The following MTX2 variants were observed in gnomAD, a reference collection of about 807,000 sequenced individuals.
MTX2 encodes the protein metaxin 2, also known as metaxin-2.
A neutral mutation model predicts 42.3 loss-of-function variants in MTX2; 35 were observed. The observed-to-expected ratio is 0.83, with a 90% CI of 0.63 to 1.10. MTX2 has a LOEUF of 1.10. MTX2 is among the 50% of genes least tolerant of loss of function. The pLI is 0.00. For synonymous variants in MTX2, 119 were observed against 100.9 expected (o/e 1.18, Z -1.08); for missense variants, 307 against 304.1 (o/e 1.01, Z -0.07).
intron 3 of MTX2, among the ~76,000 whole-genome samples, chr2:176,318,207 C>T (rs1417263529): frequency 6.6e-6 from 1 of 151,040 alleles, no homozygotes. Flanking sequence ...AAATTTAGTC[C>T]TTCATGTTTA....
At chr2:176,298,110 CAT>C (rs34301168) in intron 3 of MTX2, among the ~76,000 whole-genome samples, 14,634 of 151,246 alleles carry the variant, frequency 0.097, 724 homozygotes, top group Middle Eastern at 0.12. Flanking sequence ...ATAAAATAAA[CAT>C]AAATTTTTTT....
chr2:176,319,152 T>C (rs1167684264), intron 3 of MTX2, among the ~76,000 whole-genome samples: 1 of 152,234 alleles, frequency 6.6e-6, no homozygotes, highest in East Asian at 1.9e-4. Flanking sequence ...TTATTCATTA[T>C]TATAATTTGA....
At chr2:176,288,543 T>A (rs915721335) in intron 1 of MTX2, among the ~76,000 whole-genome samples, 1 of 151,594 alleles carries the variant, frequency 6.6e-6, no homozygotes, top group African/African-American at 2.4e-5. Flanking sequence ...TTGCTCCTTT[T>A]ATATAACACT....
rs1172759994 is a variant in MTX2, at chr2:176,271,675, GTTAGTATTAC to G, written c.40+2009_40+2018del. Among the ~76,000 whole-genome samples, 26 of 152,242 alleles carry G rather than the reference GTTAGTATTAC, an allele frequency of 1.7e-4. 1 individual carries two copies. The South Asian group carries it at 5.4e-3, about 32-fold the overall frequency. On this transcript the variant is annotated intron_variant, in intron 1 of 9. Transcript: ENST00000249442. ...TACTCTCAAACTATTGGGTCTGTAA[GTTAGTATTAC>G]TTTTTGGGAACGTAATGTAGCAATA...
chr2:176,319,168 AT>A (rs1051701166), intron 3 of MTX2, among the ~76,000 whole-genome samples: 1 of 152,160 alleles, frequency 6.6e-6, no homozygotes, highest in African/African-American at 2.4e-5. Flanking sequence ...TTTGAAATAC[AT>A]TTTTCTTTGA....
intron 1 of MTX2, among the ~76,000 whole-genome samples, chr2:176,289,084 A>G (rs188708422): frequency 1.3e-5 from 2 of 151,836 alleles, no homozygotes; most frequent in South Asian, 2.1e-4. Flanking sequence ...TCATTTCATT[A>G]AAAATGATAA....
chr2:176,273,460 G>A (rs922721621), intron 1 of MTX2, among the ~76,000 whole-genome samples: 6 of 152,110 alleles, frequency 3.9e-5, no homozygotes, highest in African/African-American at 1.4e-4. Flanking sequence ...TTTTGTAGTT[G>A]AGAGCTCTAA....
intron 9 of MTX2, among the ~76,000 whole-genome samples, chr2:176,332,763 AC>A (rs1474809824): frequency 1.3e-5 from 2 of 151,468 alleles, no homozygotes; most frequent in African/African-American, 4.8e-5. Flanking sequence ...TATTTCTAGT[AC>A]TATAAAGAGA....
intron 3 of MTX2, among the ~76,000 whole-genome samples, chr2:176,302,126 G>GTTTTTTTTTT (rs80143449): frequency 8.0e-6 from 1 of 125,266 alleles, no homozygotes; most frequent in African/African-American, 2.9e-5. Context: ...AAAAGCTGGT[G>GTTTTTTTTTT]TTTTTTTTTT....
chr2:176,309,764 TTCCCCCA>T (rs1684251939), intron 3 of MTX2, among the ~76,000 whole-genome samples: 1 of 149,158 alleles, frequency 6.7e-6, no homozygotes, highest in Non-Finnish European at 1.5e-5. Context: ...TTGGTAGATC[TTCCCCCA>T]TCCCTTTATT....
chr2:176,284,303 A>T (rs1410374609), intron 1 of MTX2, among the ~76,000 whole-genome samples: 3 of 152,176 alleles, frequency 2.0e-5, no homozygotes, highest in Admixed American at 1.3e-4. Context: ...AGAACATGAC[A>T]CATACATACT....
chr2:176,329,194 G>A (rs1558944716), intron 7 of MTX2, 107 bp from the exon 8 acceptor site: 1 of 1,277,780 alleles, frequency 7.8e-7, no homozygotes, highest in Non-Finnish European at 1.1e-6. Flanking sequence ...TTTTCAGATT[G>A]CTCTATTTAT....
At chr2:176,332,845 A>G (rs1684893883) in intron 9 of MTX2, among the ~76,000 whole-genome samples, 1 of 151,528 alleles carries the variant, frequency 6.6e-6, no homozygotes, top group Non-Finnish European at 1.5e-5. Flanking sequence ...GCATTAATAT[A>G]GATGATACTA....
intron 1 of MTX2, among the ~76,000 whole-genome samples, chr2:176,287,033 G>T (rs997284741): frequency 1.3e-5 from 2 of 151,750 alleles, no homozygotes; most frequent in African/African-American, 4.8e-5. Flanking sequence ...GTAATGTGTA[G>T]CCCAAACAGA....
chr2:176,287,272 A>G (rs892654355), intron 1 of MTX2, among the ~76,000 whole-genome samples: 3 of 152,204 alleles, frequency 2.0e-5, no homozygotes, highest in Admixed American at 1.3e-4. Flanking sequence ...TGAATGAACG[A>G]TAAAACTGAT....
chr2:176,335,853 G>A (rs1458685619), intron 9 of MTX2, among the ~76,000 whole-genome samples: 1 of 152,070 alleles, frequency 6.6e-6, no homozygotes, highest in Non-Finnish European at 1.5e-5. Flanking sequence ...ACATTGAAGT[G>A]GAGATGTTAT....
intron 4 of MTX2, among the ~76,000 whole-genome samples, chr2:176,324,520 C>G (rs529515460): frequency 6.6e-6 from 1 of 151,684 alleles, no homozygotes; most frequent in East Asian, 1.9e-4. Context: ...ATTTTAGGAA[C>G]TACAGAGTTC....
chr2:176,270,295 C>G lies in MTX2; in HGVS notation c.40+626C>G, dbSNP rs534185302. The G allele has an allele frequency of 6.3e-6, 8 of 1,273,430 alleles. No homozygotes were observed. In the South Asian group the frequency reaches 6.5e-5, roughly 10 times the overall value. The allele number at this position is 1,273,430 out of a possible 1,614,324, so 78.9% of individuals were successfully genotyped here. On this transcript the variant is annotated intron_variant, in intron 1 of 9. Transcript: ENST00000249442. ...AAGCGATTCTCCTGCCTTAGCCTCC[C>G]GAGTAGTTGGGATTACAGGCGCCCG...
rs180825597 is a variant in MTX2, at chr2:176,318,643, G to A, written c.136-4749G>A. ...ATTTAATGTGTCACCATCATCAAAAGTTGATTGTATCACTTGCAGGGTTTT... is the reference window on the plus strand; with the variant it reads ...ATTTAATGTGTCACCATCATCAAAAATTGATTGTATCACTTGCAGGGTTTT... On this transcript the variant is annotated intron_variant, in intron 3 of 9. Transcript: ENST00000249442. 1.9e-3 allele frequency among the ~76,000 whole-genome samples: 290 copies of A among 152,292 alleles called. 2 individuals are homozygous for A. The highest frequency in any genetic ancestry group is 3.3e-3 in the Non-Finnish European group (223 of 68,016).
Sources: gnomAD v4.1 joint callset for allele counts (sites outside exome capture counted in the v4.1 genomes callset) on GRCh38, gnomAD v4.1.1 for gene constraint, MANE v1.5 for transcripts, NCBI Gene and HGNC (gene_info 2026-07-23, HGNC 2026-07-21) for gene names.